Variants in SLC44A1 observed in about 807,000 individuals in gnomAD.
The protein encoded by SLC44A1 is choline transporter-like protein 1.
In SLC44A1, 26 loss-of-function variants were observed where a neutral mutation model predicts 79.3. The ratio of observed to expected loss-of-function variants is 0.33; its 90% CI spans 0.24 to 0.46. The LOEUF is 0.46. Among genes scored for constraint, SLC44A1 ranks in the 20% least tolerant of loss-of-function variants. SLC44A1 has a pLI of 1.00. For synonymous variants in SLC44A1, 263 were observed against 286.2 expected (o/e 0.92, Z 0.82); for missense variants, 688 against 798.1 (o/e 0.86, Z 1.66).
At chr9:105,353,613 C>G (rs989896960) in intron 5 of SLC44A1, among the ~76,000 whole-genome samples, 5 of 151,862 alleles carry the variant, frequency 3.3e-5, no homozygotes, top group Admixed American at 2.0e-4. Context: ...AGGCAGGGTG[C>G]AAGGTTAGAA....
At chr9:105,430,161 T>A (rs770875899) in intron 15 of SLC44A1, among the ~76,000 whole-genome samples, 63 of 152,304 alleles carry the variant, frequency 4.1e-4, no homozygotes, top group Middle Eastern at 3.4e-3. Flanking sequence ...TCCCCGTGCC[T>A]GAATTACAGG....
At chr9:105,322,551 G>T (rs1040107527) in intron 3 of SLC44A1, among the ~76,000 whole-genome samples, 6 of 152,172 alleles carry the variant, frequency 3.9e-5, no homozygotes, top group African/African-American at 1.2e-4. Flanking sequence ...ACTTAGAGGA[G>T]AATGAAAGGG....
intron 5 of SLC44A1, among the ~76,000 whole-genome samples, chr9:105,351,115 A>G (rs1350979898): frequency 6.6e-6 from 1 of 152,212 alleles, no homozygotes; most frequent in Non-Finnish European, 1.5e-5. Context: ...AGCCAGAGAG[A>G]ACAGCAATAG....
At chr9:105,245,975 A>G (rs1172010930) in intron 1 of SLC44A1, among the ~76,000 whole-genome samples, 1 of 152,238 alleles carries the variant, frequency 6.6e-6, no homozygotes, top group African/African-American at 2.4e-5. Context: ...ATACTGCATC[A>G]AACTGTCTTG....
At chr9:105,379,598 A>G (rs1428665888) in intron 13 of SLC44A1, among the ~76,000 whole-genome samples, 1 of 152,222 alleles carries the variant, frequency 6.6e-6, no homozygotes, top group Non-Finnish European at 1.5e-5. Flanking sequence ...AAAATAAAAA[A>G]AAGACATCAT....
chr9:105,334,423 C>A (rs1019686669), intron 3 of SLC44A1, among the ~76,000 whole-genome samples: 1 of 151,152 alleles, frequency 6.6e-6, no homozygotes, highest in African/African-American at 2.4e-5. Context: ...TTGACTTTAC[C>A]TTTTCTGCTT....
intron 13 of SLC44A1, among the ~76,000 whole-genome samples, chr9:105,375,295 C>G (rs1828244351): frequency 6.6e-6 from 1 of 152,250 alleles, no homozygotes; most frequent in African/African-American, 2.4e-5. Context: ...CCGCCTTCGC[C>G]TCCCAAAGTG....
At chr9:105,263,230 G>T (rs572101242) in intron 1 of SLC44A1, among the ~76,000 whole-genome samples, 1 of 152,274 alleles carries the variant, frequency 6.6e-6, no homozygotes, top group Non-Finnish European at 1.5e-5. Flanking sequence ...GCTTCCTGAG[G>T]CATTTGTTCT....
intron 3 of SLC44A1, among the ~76,000 whole-genome samples, chr9:105,333,933 A>G (rs936819322): frequency 5.9e-5 from 9 of 152,194 alleles, no homozygotes; most frequent in South Asian, 2.1e-4. Flanking sequence ...ACATTTCTCA[A>G]GGACCTGATT....
chr9:105,275,194 T>C (rs1225668348), intron 1 of SLC44A1, among the ~76,000 whole-genome samples: 1 of 152,150 alleles, frequency 6.6e-6, no homozygotes, highest in African/African-American at 2.4e-5. Context: ...AACCGTAGCA[T>C]GTATTAGGGA....
At chr9:105,428,578 G>C (rs370564331) in intron 15 of SLC44A1, among the ~76,000 whole-genome samples, 35 of 152,358 alleles carry the variant, frequency 2.3e-4, no homozygotes, top group African/African-American at 8.4e-4. Context: ...AAGACTGATT[G>C]TTGGGAGGAT....
In SLC44A1 at chr9:105,356,146, T is replaced by C. The variant is rs571623690; in HGVS notation, c.501-66T>C. ...GCCATATTCACCTTTCATTTGTGTGTTTGATGTGGCATTTATATTAAGTAG... is the reference window on the plus strand; with the variant it reads ...GCCATATTCACCTTTCATTTGTGTGCTTGATGTGGCATTTATATTAAGTAG... On this transcript the variant is annotated intron_variant, in intron 5 of 15. Coordinates refer to ENST00000374720, the MANE Select transcript of SLC44A1 (RefSeq NM_080546.5). 144 of 1,232,138 alleles carry C rather than the reference T, an allele frequency of 1.2e-4. 1 individual carries two copies. In the East Asian group the frequency reaches 3.2e-3, roughly 27 times the overall value. The allele number at this position is 1,232,138 out of a possible 1,614,324, so 76.3% of individuals were successfully genotyped here. A position where few individuals can be genotyped will look rare whatever the true frequency, so the allele number is the denominator to read the frequency against.
chr9:105,350,633 C>A (rs904875405), intron 5 of SLC44A1, among the ~76,000 whole-genome samples: 1 of 152,108 alleles, frequency 6.6e-6, no homozygotes, highest in Non-Finnish European at 1.5e-5. Context: ...GGGGTGAATT[C>A]CATATAATTA....
chr9:105,381,386 C>CAA (rs879908527), intron 13 of SLC44A1, among the ~76,000 whole-genome samples: 6 of 136,808 alleles, frequency 4.4e-5, no homozygotes, highest in African/African-American at 1.3e-4. Context: ...CTAAAAAATA[C>CAA]AAAAAAAAAA....
intron 15 of SLC44A1, among the ~76,000 whole-genome samples, chr9:105,406,272 A>G (rs569271727): frequency 6.6e-6 from 1 of 152,318 alleles, no homozygotes; most frequent in East Asian, 1.9e-4. Flanking sequence ...AAAAGTCATT[A>G]AACAAATAAA....
Position 105,383,256 on chromosome 9 carries a change from T to C in SLC44A1, c.1766T>C (p.Ile589Thr), listed in dbSNP as rs752093344. ...AFLVAHCFLS[I>T]YEMVVDVLFL... ...CTAGTCGCTCATTGCTTCCTGTCTA[T>C]TTATGAAATGGTAGTGGATGTATTA... The change falls in exon 14 of 16, where the codon ATT (isoleucine) becomes ACT (threonine). Residue 589 changes from isoleucine (I) to threonine (T), a missense_variant. By Grantham distance (89) the Ile-to-Thr change is moderately conservative (BLOSUM62 -1). Transcript: ENST00000374720. 1.9e-6 allele frequency: 3 copies of C among 1,613,858 alleles called. No homozygotes were observed. The highest frequency in any genetic ancestry group is 1.7e-6 in the Non-Finnish European group (2 of 1,179,834).
chr9:105,366,861 G>A (rs1036968654), intron 12 of SLC44A1, among the ~76,000 whole-genome samples: 2 of 151,226 alleles, frequency 1.3e-5, no homozygotes, highest in Non-Finnish European at 2.9e-5. Context: ...AAACTTCAGT[G>A]TAAAGCTGTT....
intron 1 of SLC44A1, among the ~76,000 whole-genome samples, chr9:105,294,090 A>C (rs1830663892): frequency 6.6e-6 from 1 of 152,218 alleles, no homozygotes; most frequent in Non-Finnish European, 1.5e-5. Flanking sequence ...TGAATTCTCC[A>C]GTAGTAGTAT....
chr9:105,335,434 A>G, intron 3 of SLC44A1, 129 bp from the exon 4 acceptor site: 1 of 613,468 alleles, frequency 1.6e-6, no homozygotes, highest in South Asian at 3.4e-5. Context: ...TTTAAAATGT[A>G]TTTATGATGA....
Sources: allele counts gnomAD v4.1 joint callset (sites outside exome capture counted in the v4.1 genomes callset), GRCh38; gene constraint gnomAD v4.1.1; transcripts MANE v1.5; gene names NCBI Gene and HGNC (gene_info 2026-07-23, HGNC 2026-07-21).